The following FLNC variants were observed in gnomAD, a reference collection of about 807,000 sequenced individuals.
FLNC encodes the protein filamin-C.
Under a neutral mutation model 254.3 loss-of-function variants are expected in FLNC, and 91 were observed. The observed-to-expected ratio is 0.36, with a 90% CI of 0.30 to 0.43. The LOEUF (loss-of-function observed/expected upper bound fraction) is 0.43, where lower values mean the gene tolerates loss of function less well. Among genes scored for constraint, FLNC ranks in the 20% least tolerant of loss-of-function variants. FLNC has a pLI of 1.00. For missense variants in FLNC, 2,853 were observed against 3,802.6 expected, an observed-to-expected ratio of 0.75 and a Z score of 6.57; for synonymous variants, 1,430 against 1,577.2, an observed-to-expected ratio of 0.91 and a Z score of 2.21.
chr7:128,845,795 G>C (rs1346238431), intron 21 of FLNC, among the ~76,000 whole-genome samples, 195 bp from the exon 22 acceptor site: 3 of 150,788 alleles, frequency 2.0e-5, no homozygotes, highest in Admixed American at 1.3e-4. Context: ...AGGGGAGGGT[G>C]TGGGGCCCAG....
Position 128,847,519 on chromosome 7 carries a change from T to A in FLNC, c.4289-178T>A, listed in dbSNP as rs72607757. Among the ~76,000 whole-genome samples the A allele has an allele frequency of 0.16, 23,739 of 152,274 alleles. 3,651 individuals are homozygous for A. Among genetic ancestry groups the A allele is most frequent in the African/African-American group, 0.38 (15,832 of 41,532 alleles). On this transcript the variant is annotated intron_variant, in intron 24 of 47. Coordinates refer to ENST00000325888, the MANE Select transcript of FLNC (RefSeq NM_001458.5). ...AGGTTTGCCCAGCCTCAGTCTGCAG[T>A]CAAGTTCATTTATTCTTGTGTGTGT...
At chr7:128,852,191 C>T (rs1005113378) in intron 35 of FLNC, among the ~76,000 whole-genome samples, 28 of 152,118 alleles carry the variant, frequency 1.8e-4, no homozygotes, top group African/African-American at 3.1e-4. Flanking sequence ...AGTTAGGGCA[C>T]GGATAATCCT....
intron 42 of FLNC, 63 bp from the exon 43 acceptor site, chr7:128,855,135 TG>T: frequency 1.7e-6 from 2 of 1,211,528 alleles, no homozygotes; most frequent in Non-Finnish European, 1.2e-6. Context: ...AAGGCCAGGG[TG>T]GGGAGGCTCC....
At position 128,854,131 on chromosome 7, in the gene FLNC, CG is replaced by C; in HGVS notation, c.6646del (p.Asp2216ThrfsTer35). 1 of 1,612,686 alleles carries C rather than the reference CG, an allele frequency of 6.2e-7. No homozygotes were observed. The highest frequency in any genetic ancestry group is 8.5e-7 in the Non-Finnish European group (1 of 1,179,826). Reference sequence around the variant, plus strand: ...GGGTGGAGGAGTCCACCCAGGTCGGCGGGGACCCCTTCCCTGCTGTGTTTGG... The same window carrying C: ...GGGTGGAGGAGTCCACCCAGGTCGGCGGGACCCCTTCCCTGCTGTGTTTGG... ...VRVEESTQVGGDPFPAVFGDF... is the reference protein window; with the variant it reads ...VRVEESTQVGXDPFPAVFGDF... On this transcript the variant is annotated frameshift_variant, in exon 40 of 48. Transcript: ENST00000325888. LOFTEE classifies it high-confidence loss of function.
At chr7:128,846,613 C>A (rs1808579933) in intron 23 of FLNC, 132 bp from the exon 24 acceptor site, 3 of 1,342,634 alleles carry the variant, frequency 2.2e-6, no homozygotes, top group Non-Finnish European at 2.1e-6. Flanking sequence ...CCCAGATTGG[C>A]CCCTGTAGCT....
chr7:128,839,936 G>A, intron 8 of FLNC, 87 bp from the exon 9 acceptor site: 1 of 1,534,358 alleles, frequency 6.5e-7, no homozygotes, highest in Non-Finnish European at 8.9e-7. Context: ...TGCCTGGGAG[G>A]GGTTAGAAGG....
chr7:128,853,661 G>A, intron 38 of FLNC, 40 bp downstream of exon 38: 1 of 1,614,008 alleles, frequency 6.2e-7, no homozygotes, highest in Non-Finnish European at 8.5e-7. Context: ...GAGACAGGGA[G>A]GCCAGGAGGC....
chr7:128,849,891 T>C (rs1808730633), intron 30 of FLNC, 85 bp from the exon 31 acceptor site: 12 of 996,962 alleles, frequency 1.2e-5, no homozygotes, highest in Non-Finnish European at 1.7e-5. Context: ...TCACCCAGCA[T>C]TTCAGGTTCC....
chr7:128,834,321 C>CG (rs1554397033), intron 1 of FLNC, among the ~76,000 whole-genome samples: 1 of 146,824 alleles, frequency 6.8e-6, no homozygotes, highest in South Asian at 2.3e-4. Flanking sequence ...GCCCCCCCCC[C>CG]CCAAATCTTG....
In FLNC at chr7:128,854,007, G is replaced by A. The variant is rs1282230388; in HGVS notation, c.6518G>A (p.Arg2173His). The A allele has an allele frequency of 1.2e-6, 2 of 1,613,176 alleles. No homozygotes were observed. Among genetic ancestry groups the A allele is most frequent in the Non-Finnish European group, 1.7e-6 (2 of 1,180,026 alleles). ...NWFQMVSAQE[R>H]LTRTFTRSSH... ...TTCCAGATGGTGTCTGCCCAGGAGC[G>A]CCTGACACGCACCTTCACACGCAGC... Residue 2173 changes from arginine to histidine, a missense_variant, in exon 40 of 48, where the codon CGC becomes CAC. Arg to His is a conservative substitution (Grantham distance 29, BLOSUM62 0). Around this residue, in one of 10 missense-constraint regions of FLNC, gnomAD observed 551 missense variants for 835.0 expected, o/e 0.66. Transcript: ENST00000325888.
chr7:128,849,672 A>T, intron 30 of FLNC, 94 bp downstream of exon 30: 1 of 1,504,460 alleles, frequency 6.6e-7, no homozygotes, highest in Admixed American at 1.7e-5. Context: ...GTCCCCAAGG[A>T]ATCCCACTTC....
At chr7:128,840,282 G>A in intron 9 of FLNC, 122 bp downstream of exon 9, 9 of 1,246,118 alleles carry the variant, frequency 7.2e-6, no homozygotes, top group Non-Finnish European at 9.2e-6. Flanking sequence ...GTGACCAGAG[G>A]CACCCCAGAA....
At position 128,857,541 on chromosome 7, in the gene FLNC, G is replaced by A. The variant is rs1309069808; in HGVS notation, c.7780+205G>A. On this transcript the variant is annotated intron_variant, in intron 46 of 47. Coordinates refer to ENST00000325888, the MANE Select transcript of FLNC (RefSeq NM_001458.5). The surrounding 1 kb of genome is among the most constrained non-coding windows in gnomAD (Gnocchi z 4.5). ...AAAAATGCCATTCTTCCTCTCCATC[G>A]TGGCCCCTCACTCCTTCAGCTCTGG... 2.0e-5 allele frequency among the ~76,000 whole-genome samples: 3 copies of A among 150,860 alleles called. No homozygotes were observed. The highest frequency in any genetic ancestry group is 2.9e-5 in the Non-Finnish European group (2 of 67,994).
rs761929212 is a variant in FLNC, at chr7:128,850,028, G to A, written c.5252G>A (p.Arg1751His). Residue 1751 changes from arginine to histidine, a missense_variant, in exon 31 of 48, where the codon CGC (arginine) becomes CAC (histidine). Arg to His is a conservative substitution (Grantham distance 29). This residue lies in a region of FLNC where 258 missense variants were observed against 312.3 expected (regional missense o/e 0.83). Coordinates refer to ENST00000325888, the MANE Select transcript of FLNC (RefSeq NM_001458.5). ...EEEPSEVPQL[R>H]QPYAPPRPGA... ...GAGCCCTCTGAAGTGCCACAGCTGC[G>A]CCAGCCCTACGCTCCTCCCCGGCCC... The A allele has an allele frequency of 9.0e-6, 14 of 1,563,458 alleles. No individual in the cohort carries two copies. Among genetic ancestry groups the A allele is most frequent in the South Asian group, 2.3e-5 (2 of 85,808 alleles).
In FLNC at chr7:128,835,495, C is replaced by T; in HGVS notation, c.522C>T (p.Pro174=). The change falls in exon 2 of 48, where the codon CCC becomes CCT. Residue 174 remains proline, a synonymous_variant. Transcript: ENST00000325888. The surrounding 1 kb of genome is among the most constrained non-coding windows in gnomAD (Gnocchi z 5.3). ...TTGGCTGGATCCAGAACAAGGTGCCCCAGCTGCCCATCACCAACTTCAACC... is the reference window on the plus strand; with the variant it reads ...TTGGCTGGATCCAGAACAAGGTGCCTCAGCTGCCCATCACCAACTTCAACC... The part of the protein sequence containing the change: ...RLLGWIQNKV[P]QLPITNFNRD... The T allele has an allele frequency of 1.2e-6, 2 of 1,613,766 alleles. No individual in the cohort carries two copies. The highest frequency in any genetic ancestry group is 1.7e-6 in the Non-Finnish European group (2 of 1,180,024).
At chr7:128,846,674 C>G (rs1585161935) in intron 23 of FLNC, 71 bp from the exon 24 acceptor site, 2 of 1,502,182 alleles carry the variant, frequency 1.3e-6, no homozygotes, top group South Asian at 2.4e-5. Context: ...CCTCCCTGTC[C>G]CCCCATTCAG....
At position 128,832,567 on chromosome 7, in the gene FLNC, C is replaced by T. The variant is rs377551007; in HGVS notation, c.352+1578C>T. 1.5e-4 allele frequency among the ~76,000 whole-genome samples: 23 copies of T among 152,364 alleles called. No individual in the cohort carries two copies. The East Asian group carries it at 4.2e-3, about 28-fold the overall frequency. On this transcript the variant is annotated intron_variant, in intron 1 of 47. Transcript: ENST00000325888. The stretch of plus-strand genomic sequence containing the variant: ...CGGCCCCTCTCCAGGCCTCGTCCTT[C>T]CTGAGCACACCTCTCCCCTCCCCCG...
chr7:128,846,941 CAAGG>C (rs1434175463), intron 24 of FLNC, 36 bp downstream of exon 24: 16 of 1,612,550 alleles, frequency 9.9e-6, no homozygotes, highest in Middle Eastern at 1.6e-4. Flanking sequence ...TCAGGGAAGA[CAAGG>C]GAGGGTGCAG....
rs761265916 is a variant in FLNC at position 128,846,057 on chromosome 7, C to A, written c.3858C>A (p.Asn1286Lys). 1 of 1,614,040 alleles carries A rather than the reference C, an allele frequency of 6.2e-7. No homozygotes were observed. Among genetic ancestry groups the A allele is most frequent in the Non-Finnish European group, 8.5e-7 (1 of 1,180,012 alleles). The change falls in exon 22 of 48, where the codon AAC becomes AAA. Residue 1286 changes from asparagine (N) to lysine (K), a missense_variant. Around this residue, in one of 10 missense-constraint regions of FLNC, gnomAD observed 1,573 missense variants for 1,883.5 expected, o/e 0.84. Coordinates refer to ENST00000325888, the MANE Select transcript of FLNC (RefSeq NM_001458.5). The part of the protein sequence containing the change: ...DARSLTATGG[N>K]HVTARVLNPS... ...GATCCCTAACAGCCACAGGCGGCAA[C>A]CACGTGACGGCTCGTGTGCTCAACC...
Sources: allele counts gnomAD v4.1 joint callset (sites outside exome capture counted in the v4.1 genomes callset), GRCh38; gene constraint gnomAD v4.1.1; regional missense constraint gnomAD v4.1.1; non-coding constraint Gnocchi (gnomAD v3.1); transcripts MANE v1.5; gene names NCBI Gene and HGNC (gene_info 2026-07-23, HGNC 2026-07-21).